Variants in PCDHGB2 observed in about 807,000 individuals in gnomAD.
The protein encoded by PCDHGB2 is protocadherin gamma subfamily B, 2, also known as protocadherin gamma-B2.
A neutral mutation model predicts 59.3 loss-of-function variants in PCDHGB2; 55 were observed. The observed-to-expected ratio is 0.93, with a 90% CI of 0.75 to 1.16. PCDHGB2 has a LOEUF of 1.16. Among genes scored for constraint, PCDHGB2 ranks in the 50% most tolerant of loss-of-function variants. The pLI is 0.00. For synonymous variants in PCDHGB2, 516 were observed against 512.0 expected (o/e 1.01, Z -0.11); for missense variants, 1,228 against 1,198.5 (o/e 1.02, Z -0.36).
chr5:141,512,262 C>G lies in PCDHGB2; in HGVS notation c.*1089C>G, dbSNP rs925517361. On this transcript the variant is annotated 3_prime_UTR_variant, in exon 4 of 4. Transcript: ENST00000522605. ...GAGGGGCCTCTGTGGGTGCTGGGTA[C>G]TCCAGAGGTGCCACTGGTGGAAGGG... 1 of 152,712 alleles carries G rather than the reference C, an allele frequency of 6.5e-6. No homozygotes were observed. The highest frequency in any genetic ancestry group is 2.4e-5 in the African/African-American group (1 of 41,452). 9.5% of individuals were successfully genotyped at this position (152,712 alleles called of 1,614,324 possible).
chr5:141,486,379 G>A lies in PCDHGB2; in HGVS notation c.2422-8428G>A. 2 of 1,614,094 alleles carry A rather than the reference G, an allele frequency of 1.2e-6. No individual in the cohort carries two copies. Among genetic ancestry groups the A allele is most frequent in the Non-Finnish European group, 1.7e-6 (2 of 1,180,000 alleles). ...CATTTGCCCTCAAGTCTGCCTTCAG[G>A]AACCAGTTCTCCCTGGTGACTGCTG... On this transcript the variant is annotated intron_variant, in intron 1 of 3. Transcript: ENST00000522605. The surrounding 1 kb of genome is among the most constrained non-coding windows in gnomAD (Gnocchi z 5.0).
chr5:141,394,652 G>T (rs1589237070), intron 1 of PCDHGB2: 1 of 1,613,422 alleles, frequency 6.2e-7, no homozygotes, highest in Non-Finnish European at 8.5e-7. Flanking sequence ...AGGCCAGCGA[G>T]CCGGGACTCT....
At position 141,489,318 on chromosome 5, in the gene PCDHGB2, G is replaced by T; in HGVS notation, c.2422-5489G>T. On this transcript the variant is annotated intron_variant, in intron 1 of 3. Coordinates refer to ENST00000522605, the MANE Select transcript of PCDHGB2 (RefSeq NM_018923.3). The surrounding 1 kb of genome is among the most constrained non-coding windows in gnomAD (Gnocchi z 4.5). ...TGTTGTCCTTGTGCTGCTGGGGCTG[G>T]GTGTCTGGGCAGCTTCGTTACTCAG... The T allele has an allele frequency of 6.3e-7, 1 of 1,599,092 alleles. No homozygotes were observed. Among genetic ancestry groups the T allele is most frequent in the Non-Finnish European group, 8.5e-7 (1 of 1,171,660 alleles).
intron 1 of PCDHGB2, chr5:141,409,571 TA>T: frequency 6.2e-7 from 1 of 1,613,932 alleles, no homozygotes; most frequent in Non-Finnish European, 8.5e-7. Flanking sequence ...CCAGACGTCC[TA>T]CGTGGTCCAC....
At chr5:141,403,168 G>T in intron 1 of PCDHGB2, 14 of 1,614,032 alleles carry the variant, frequency 8.7e-6, no homozygotes, top group African/African-American at 1.3e-5. Flanking sequence ...GAGGTAGGAC[G>T]CAGCTTTTCT....
chr5:141,477,158 A>G lies in PCDHGB2; in HGVS notation c.2422-17649A>G, dbSNP rs1476516538. 1.2e-6 allele frequency: 2 copies of G among 1,614,154 alleles called. No individual in the cohort carries two copies. Among genetic ancestry groups the G allele is most frequent in the Non-Finnish European group, 1.7e-6 (2 of 1,180,018 alleles). ...GGTGGAGGTTGTGGATGTGAATGACAACGCCCCGGAGATCACAGTCACCTC... is the reference window on the plus strand; with the variant it reads ...GGTGGAGGTTGTGGATGTGAATGACGACGCCCCGGAGATCACAGTCACCTC... On this transcript the variant is annotated intron_variant, in intron 1 of 3. Coordinates refer to ENST00000522605, the MANE Select transcript of PCDHGB2 (RefSeq NM_018923.3). This position sits in a 1 kb window ranked among gnomAD's most constrained non-coding sequence, Gnocchi z 4.9.
Position 141,485,465 on chromosome 5 carries a change from C to A in PCDHGB2, c.2422-9342C>A, listed in dbSNP as rs2099614061. 6.2e-7 allele frequency: 1 copy of A among 1,614,044 alleles called. No homozygotes were observed. Among genetic ancestry groups the A allele is most frequent in the African/African-American group, 1.3e-5 (1 of 74,918 alleles). ...AATCGACCGAGAGGCACTGTGTGGG[C>A]TCAGTGCCAGCTGCATCGTGCCCCT... On this transcript the variant is annotated intron_variant, in intron 1 of 3. Transcript: ENST00000522605. This position sits in a 1 kb window ranked among gnomAD's most constrained non-coding sequence, Gnocchi z 5.7.
At position 141,431,495 on chromosome 5, in the gene PCDHGB2, G is replaced by A. The variant is rs557611439; in HGVS notation, c.2422-63312G>A. The A allele has an allele frequency of 4.3e-6, 7 of 1,613,864 alleles. No homozygotes were observed. The highest frequency in any genetic ancestry group is 1.1e-5 in the South Asian group (1 of 91,092). On this transcript the variant is annotated intron_variant, in intron 1 of 3. Coordinates refer to ENST00000522605, the MANE Select transcript of PCDHGB2 (RefSeq NM_018923.3). This position sits in a 1 kb window ranked among gnomAD's most constrained non-coding sequence, Gnocchi z 4.8. ...CAACGCACCAGCGTTTGCTCAGCCC[G>A]AGTACCGCGCGAGCGTTCCGGAGAA...
chr5:141,376,561 A>G (rs780141155), intron 1 of PCDHGB2: 3 of 1,608,212 alleles, frequency 1.9e-6, no homozygotes, highest in South Asian at 1.1e-5. Context: ...CCGCAACCCA[A>G]CTAATCAGAC....
chr5:141,511,381 G>A lies in PCDHGB2; in HGVS notation c.*208G>A, dbSNP rs545793377. 97 of 1,170,372 alleles carry A rather than the reference G, an allele frequency of 8.3e-5. No homozygotes were observed. In the East Asian group the frequency reaches 9.2e-4, roughly 11 times the overall value. 72.5% of individuals were successfully genotyped at this position (1,170,372 alleles called of 1,614,324 possible). On this transcript the variant is annotated 3_prime_UTR_variant, in exon 4 of 4. Transcript: ENST00000522605. ...GGGTTGAATATGCAAAAGCAGTTCC[G>A]CTGGGAACCCCCATCCAATCAACTG...
At chr5:141,387,600 A>T (rs1033182750) in intron 1 of PCDHGB2, 3 of 541,478 alleles carry the variant, frequency 5.5e-6, no homozygotes, top group Admixed American at 7.3e-5. Context: ...GAAGCAGCAG[A>T]GGCTGTAGTT....
intron 1 of PCDHGB2, among the ~76,000 whole-genome samples, chr5:141,426,099 G>A (rs1590666889): frequency 1.3e-5 from 2 of 152,348 alleles, no homozygotes; most frequent in African/African-American, 4.8e-5. Context: ...ATTCTGTTCA[G>A]TCACAGAAGC....
chr5:141,404,129 A>G (rs753217773), intron 1 of PCDHGB2: 6 of 1,613,162 alleles, frequency 3.7e-6, no homozygotes, highest in Non-Finnish European at 5.1e-6. Context: ...TCTATCTTTT[A>G]CATTAGAAAA....
intron 2 of PCDHGB2, among the ~76,000 whole-genome samples, chr5:141,495,270 G>C (rs1428903664): frequency 1.3e-5 from 2 of 152,178 alleles, no homozygotes; most frequent in Non-Finnish European, 2.9e-5. Context: ...GCATTTGACC[G>C]GAGGAGGCGG....
intron 1 of PCDHGB2, chr5:141,376,446 GC>G (rs1772699263): frequency 6.2e-7 from 1 of 1,614,074 alleles, no homozygotes. Flanking sequence ...TATGAGAAAA[GC>G]GAGCCTCTTC....
In PCDHGB2 at chr5:141,360,729, C is replaced by A; in HGVS notation, c.594C>A (p.His198Gln). 1 of 1,614,004 alleles carries A rather than the reference C, an allele frequency of 6.2e-7. No homozygotes were observed. The highest frequency in any genetic ancestry group is 8.5e-7 in the Non-Finnish European group (1 of 1,179,890). ...AATATCCTGAGTTGATTCTAAAACA[C>A]TCTCTGGACAGAGAAGAGCACAGTT... The part of the protein sequence containing the change: ...GRKYPELILK[H>Q]SLDREEHSLH... The change falls in exon 1 of 4, where the codon CAC (histidine) becomes CAA (glutamine). Residue 198 changes from histidine to glutamine, a missense_variant. This residue lies in a region of PCDHGB2 where 781 missense variants were observed against 721.6 expected (regional missense o/e 1.08). Transcript: ENST00000522605.
rs1384951887 is a variant in PCDHGB2, at chr5:141,465,860, T to C, written c.2422-28947T>C. ...AACTGAGGCTGGGCCCAGTGGCTCA[T>C]GCCTGTAATCCCAGCACTTTGGGAG... On this transcript the variant is annotated intron_variant, in intron 1 of 3. Coordinates refer to ENST00000522605, the MANE Select transcript of PCDHGB2 (RefSeq NM_018923.3). Among the ~76,000 whole-genome samples the C allele has an allele frequency of 2.0e-5, 3 of 152,114 alleles. No individual in the cohort carries two copies. The South Asian group carries it at 6.2e-4, about 32-fold the overall frequency.
At position 141,389,973 on chromosome 5, in the gene PCDHGB2, A is replaced by C. The variant is rs375422602; in HGVS notation, c.2421+27417A>C. On this transcript the variant is annotated intron_variant, in intron 1 of 3. Coordinates refer to ENST00000522605, the MANE Select transcript of PCDHGB2 (RefSeq NM_018923.3). Reference sequence around the variant, plus strand: ...TTACCTAGTGGTGGCCTTGGCCTTGATCTCAGTGCTCTTCCTCGTGGCCAT... The same window carrying C: ...TTACCTAGTGGTGGCCTTGGCCTTGCTCTCAGTGCTCTTCCTCGTGGCCAT... 82 of 1,613,684 alleles carry C rather than the reference A, an allele frequency of 5.1e-5. No homozygotes were observed. The highest frequency in any genetic ancestry group is 6.5e-5 in the Non-Finnish European group (77 of 1,179,850).
chr5:141,379,662 C>T (rs995589385), intron 1 of PCDHGB2: 1 of 152,126 alleles, frequency 6.6e-6, no homozygotes, highest in Non-Finnish European at 1.5e-5. Flanking sequence ...TCTACTCTCA[C>T]AAAAGTCATT....
Sources: allele counts gnomAD v4.1 joint callset (sites outside exome capture counted in the v4.1 genomes callset), GRCh38; gene constraint gnomAD v4.1.1; regional missense constraint gnomAD v4.1.1; non-coding constraint Gnocchi (gnomAD v3.1); transcripts MANE v1.5; gene names NCBI Gene and HGNC (gene_info 2026-07-23, HGNC 2026-07-21).